Variants in RRBP1 observed in about 807,000 individuals in gnomAD.
RRBP1 encodes the protein ribosome-binding protein 1.
In RRBP1, 94 loss-of-function variants were observed where a neutral mutation model predicts 165.2. The ratio of observed to expected loss-of-function variants is 0.57; its 90% CI spans 0.48 to 0.68. RRBP1 has a LOEUF of 0.68. Ranked by LOEUF, RRBP1 falls within the 30% of genes least tolerant of loss-of-function variation. RRBP1 has a pLI of 0.00. For synonymous variants in RRBP1, 680 were observed against 714.5 expected, an observed-to-expected ratio of 0.95 and a Z score of 0.77; for missense variants, 1,676 against 1,763.0, an observed-to-expected ratio of 0.95 and a Z score of 0.88.
At chr20:17,668,315 C>T (rs1313080775) in intron 2 of RRBP1, among the ~76,000 whole-genome samples, 3 of 152,224 alleles carry the variant, frequency 2.0e-5, no homozygotes, top group African/African-American at 7.2e-5. Flanking sequence ...GCTCTATAAT[C>T]AGTCCTTCGT....
At chr20:17,636,083 GT>G (rs2036242623) in intron 6 of RRBP1, among the ~76,000 whole-genome samples, 1 of 152,254 alleles carries the variant, frequency 6.6e-6, no homozygotes, top group African/African-American at 2.4e-5. Flanking sequence ...CAGGGAGGAG[GT>G]CGCAGCCCAC....
In RRBP1 at chr20:17,615,472, G is replaced by A. The variant is rs748951467; in HGVS notation, c.4009C>T (p.Pro1337Ser). The stretch of plus-strand genomic sequence containing the variant: ...TCCTCTGTTTCTGAAGACTCTAGGG[G>A]GCCGGCTGTGCGGAGCTTCTCCAAT... ...EELEKLRTAG[P>S]LESSETEEAS... The change falls in exon 23 of 25, where the codon CCC (proline) becomes TCC (serine). Residue 1337 changes from proline to serine, a missense_variant. Pro to Ser is a moderately conservative substitution (Grantham distance 74, BLOSUM62 -1). This residue lies in a region of RRBP1 where 1,184 missense variants were observed against 1,167.1 expected (regional missense o/e 1.01). Transcript: ENST00000377813. 24 of 1,608,972 alleles carry A rather than the reference G, an allele frequency of 1.5e-5. 1 individual carries two copies. The highest frequency in any genetic ancestry group is 3.3e-4 in the Middle Eastern group (2 of 6,062).
At chr20:17,629,127 T>C (rs980900746) in intron 9 of RRBP1, among the ~76,000 whole-genome samples, 3 of 152,262 alleles carry the variant, frequency 2.0e-5, no homozygotes, top group Non-Finnish European at 4.4e-5. Flanking sequence ...AGTCCCTGTG[T>C]AGAGGGCCCT....
At chr20:17,620,194 C>T in intron 18 of RRBP1, 105 bp downstream of exon 18, 1 of 838,736 alleles carries the variant, frequency 1.2e-6, no homozygotes, top group Non-Finnish European at 2.0e-6. Flanking sequence ...TCTCTTAAGG[C>T]ACACGGTCCA....
intron 1 of RRBP1, among the ~76,000 whole-genome samples, chr20:17,681,265 G>C (rs2037178610): frequency 6.7e-6 from 1 of 148,250 alleles, no homozygotes; most frequent in African/African-American, 2.4e-5. Context: ...CAGGCTCCGC[G>C]CAGCCCAGCC....
At position 17,680,035 on chromosome 20, in the gene RRBP1, G is replaced by A. The variant is rs2037150397; in HGVS notation, c.-58C>T. ...CCCCGGCCTTTGCTTCAACAGAGAG[G>A]GAAATGGCACCTCCAGGACCTCAGA... On this transcript the variant is annotated 5_prime_UTR_variant, in exon 2 of 25. Transcript: ENST00000377813. The A allele has an allele frequency of 6.6e-6, 1 of 152,286 alleles. No individual in the cohort carries two copies. The highest frequency in any genetic ancestry group is 2.4e-5 in the African/African-American group (1 of 41,448). 9.4% of individuals were successfully genotyped at this position (152,286 alleles called of 1,614,324 possible).
chr20:17,652,349 G>A (rs2036573481), intron 3 of RRBP1, among the ~76,000 whole-genome samples: 1 of 152,164 alleles, frequency 6.6e-6, no homozygotes, highest in East Asian at 1.9e-4. Context: ...ACTGATTTAG[G>A]TGATAATTTA....
At chr20:17,679,469 T>G (rs914820842) in intron 2 of RRBP1, among the ~76,000 whole-genome samples, 2 of 152,246 alleles carry the variant, frequency 1.3e-5, no homozygotes, top group Non-Finnish European at 2.9e-5. Flanking sequence ...AAGAAAAACT[T>G]GCTGTCTCAA....
At chr20:17,617,656 C>A (rs2035827388) in intron 20 of RRBP1, among the ~76,000 whole-genome samples, 1 of 152,244 alleles carries the variant, frequency 6.6e-6, no homozygotes, top group African/African-American at 2.4e-5. Flanking sequence ...GTGAGTGGCC[C>A]CTAGACACAG....
chr20:17,643,057 C>T lies in RRBP1; in HGVS notation c.1983G>A (p.Val661=), dbSNP rs1251671485. ...KTLVSTVGSM[V]FNEGEAQRLI... ...GCCGCTGGGCCTCGCCCTCGTTGAACACCATGCTCCCAACCGTGGAGACCA... is the reference window on the plus strand; with the variant it reads ...GCCGCTGGGCCTCGCCCTCGTTGAATACCATGCTCCCAACCGTGGAGACCA... Residue 661 remains valine (V), a synonymous_variant, in exon 4 of 25, where the codon GTG becomes GTA. Transcript: ENST00000377813. The surrounding 1 kb of genome is among the most constrained non-coding windows in gnomAD (Gnocchi z 4.3). The T allele has an allele frequency of 1.9e-5, 31 of 1,614,022 alleles. No homozygotes were observed. The East Asian group carries it at 6.7e-4, about 35-fold the overall frequency.
intron 9 of RRBP1, among the ~76,000 whole-genome samples, chr20:17,628,460 A>C (rs1269564908): frequency 6.6e-6 from 1 of 152,128 alleles, no homozygotes; most frequent in Non-Finnish European, 1.5e-5. Context: ...AGCAACTGCA[A>C]GGCCTCATCC....
chr20:17,649,316 G>A (rs1030980865), intron 3 of RRBP1, among the ~76,000 whole-genome samples: 12 of 152,316 alleles, frequency 7.9e-5, no homozygotes, highest in East Asian at 1.9e-4. Context: ...CGGGGGCCTC[G>A]GGAGGGGCTG....
At chr20:17,625,065 C>G (rs556284213) in intron 12 of RRBP1, among the ~76,000 whole-genome samples, 1 of 152,272 alleles carries the variant, frequency 6.6e-6, no homozygotes, top group East Asian at 1.9e-4. Flanking sequence ...TGGGAAGCTG[C>G]AGCCTCTGCA....
rs761639434 is a variant in RRBP1, at chr20:17,620,724, C to G, written c.3498G>C (p.Glu1166Asp). The change falls in exon 17 of 25, where the codon GAG (glutamate) becomes GAC (aspartate). Residue 1166 changes from glutamate to aspartate, a missense_variant. By Grantham distance (45) the Glu-to-Asp change is conservative. Transcript: ENST00000377813. ...WRAKVGAAEE[E>D]LQKSRVTVKH... The stretch of plus-strand genomic sequence containing the variant: ...GCAGGGCTGCATATACCTTCTGGAG[C>G]TCCTCCTCTGCGGCGCCCACCTTGG... 6.2e-7 allele frequency: 1 copy of G among 1,605,812 alleles called. No homozygotes were observed. The highest frequency in any genetic ancestry group is 2.2e-5 in the East Asian group (1 of 44,854).
At chr20:17,620,493 C>T (rs771805815) in intron 17 of RRBP1, 123 bp from the exon 18 acceptor site, 5 of 950,192 alleles carry the variant, frequency 5.3e-6, no homozygotes, top group South Asian at 5.2e-5. Context: ...CCACTCCGCC[C>T]AGCTGGGACG....
At position 17,629,993 on chromosome 20, in the gene RRBP1, G is replaced by A. The variant is rs2036117157; in HGVS notation, c.2611-32C>T. 4 of 1,578,034 alleles carry A rather than the reference G, an allele frequency of 2.5e-6. No individual in the cohort carries two copies. In the East Asian group the frequency reaches 6.8e-5, roughly 27 times the overall value. On this transcript the variant is annotated intron_variant, in intron 8 of 24. Coordinates refer to ENST00000377813, the MANE Select transcript of RRBP1 (RefSeq NM_001365613.2). ...ACGGGCAGGGGAGTGGGGCAGTGAA[G>A]ACGTGGAAGGACCAGGCCCTCAGCG...
At chr20:17,671,014 C>G (rs191300251) in intron 2 of RRBP1, among the ~76,000 whole-genome samples, 119 of 152,312 alleles carry the variant, frequency 7.8e-4, no homozygotes, top group South Asian at 7.1e-3. Flanking sequence ...ATGTGGTTCT[C>G]TAAATTATAT....
chr20:17,657,041 A>C (rs1212787092), intron 3 of RRBP1, among the ~76,000 whole-genome samples: 2 of 152,224 alleles, frequency 1.3e-5, no homozygotes, highest in Non-Finnish European at 2.9e-5. Flanking sequence ...AAATGTCTAA[A>C]ACCACACGAA....
At chr20:17,655,615 G>T (rs1237781216) in intron 3 of RRBP1, among the ~76,000 whole-genome samples, 1 of 152,094 alleles carries the variant, frequency 6.6e-6, no homozygotes, top group Non-Finnish European at 1.5e-5. Context: ...TGGTCCGAGG[G>T]ACACCCCAGC....
Sources: gnomAD v4.1 joint callset for allele counts (sites outside exome capture counted in the v4.1 genomes callset) on GRCh38, gnomAD v4.1.1 for gene constraint, gnomAD v4.1.1 regional missense constraint, Gnocchi (gnomAD v3.1) non-coding constraint, MANE v1.5 for transcripts, NCBI Gene and HGNC (gene_info 2026-07-23, HGNC 2026-07-21) for gene names.